GALNT13: variants seen among roughly 807,000 people sequenced by gnomAD.
GALNT13 encodes the protein UDP-GalNAc:polypeptide N-acetylgalactosaminyltransferase 13.
A neutral mutation model predicts 64.2 loss-of-function variants in GALNT13; 28 were observed. The ratio of observed to expected loss-of-function variants is 0.44; its 90% CI spans 0.32 to 0.60. The LOEUF (loss-of-function observed/expected upper bound fraction) is 0.60, where lower values mean the gene tolerates loss of function less well. Among genes scored for constraint, GALNT13 ranks in the 20% least tolerant of loss-of-function variants. GALNT13 has a pLI of 0.05. For synonymous variants in GALNT13, 214 were observed against 224.6 expected, an observed-to-expected ratio of 0.95 and a Z score of 0.42; for missense variants, 577 against 669.8, an observed-to-expected ratio of 0.86 and a Z score of 1.53.
chr2:153,883,783 A>G (rs1208536790), intron 1 of GALNT13, among the ~76,000 whole-genome samples: 1 of 152,114 alleles, frequency 6.6e-6, no homozygotes, highest in Non-Finnish European at 1.5e-5. Context: ...CAGGTAAAAC[A>G]AAAGAATATG....
intron 3 of GALNT13, among the ~76,000 whole-genome samples, chr2:154,059,472 G>A (rs533622988): frequency 6.6e-6 from 1 of 152,128 alleles, no homozygotes; most frequent in Non-Finnish European, 1.5e-5. Flanking sequence ...TTTTAAGGCT[G>A]TGCTTCCTGT....
chr2:153,118,555 T>C, the GALNT13 span, among the ~76,000 whole-genome samples: 1 of 152,144 alleles, frequency 6.6e-6, no homozygotes, highest in Non-Finnish European at 1.5e-5. Flanking sequence ...TACTAGGCTG[T>C]GGATACTAGA....
chr2:153,196,689 GC>G, the GALNT13 span, among the ~76,000 whole-genome samples: 1 of 152,008 alleles, frequency 6.6e-6, no homozygotes, highest in Non-Finnish European at 1.5e-5. Context: ...GCACCTTTCT[GC>G]CTGCCCCTCT....
chr2:153,720,936 G>A, the GALNT13 span, among the ~76,000 whole-genome samples: 16 of 152,076 alleles, frequency 1.1e-4, no homozygotes, highest in South Asian at 4.2e-4. Context: ...GCAGGCCGAC[G>A]TTCAGATTCA....
chr2:153,361,520 G>A, the GALNT13 span, among the ~76,000 whole-genome samples: 1 of 151,828 alleles, frequency 6.6e-6, no homozygotes, highest in Non-Finnish European at 1.5e-5. Context: ...GCTTAGAGGG[G>A]AACAAAAATG....
At chr2:153,304,744 A>G in the GALNT13 span, among the ~76,000 whole-genome samples, 2 of 152,212 alleles carry the variant, frequency 1.3e-5, no homozygotes, top group African/African-American at 4.8e-5. Flanking sequence ...TAAAATGGGC[A>G]TGGGCACAGG....
chr2:153,958,127 G>A (rs185484558), intron 3 of GALNT13, among the ~76,000 whole-genome samples: 1 of 152,300 alleles, frequency 6.6e-6, no homozygotes, highest in Admixed American at 6.5e-5. Flanking sequence ...TTCTGGGGCA[G>A]CAAGGGGTAT....
chr2:153,604,129 T>G, the GALNT13 span, among the ~76,000 whole-genome samples: 1 of 152,020 alleles, frequency 6.6e-6, no homozygotes, highest in Non-Finnish European at 1.5e-5. Context: ...CTGTGGCATT[T>G]CCAAAGATTT....
chr2:153,570,140 A>C, the GALNT13 span, among the ~76,000 whole-genome samples: 14 of 152,146 alleles, frequency 9.2e-5, no homozygotes, highest in African/African-American at 3.4e-4. Flanking sequence ...AAGGCATTTT[A>C]ACTGGGGTGA....
intron 3 of GALNT13, among the ~76,000 whole-genome samples, chr2:153,989,205 A>G (rs1485067193): frequency 2.0e-5 from 3 of 152,002 alleles, no homozygotes; most frequent in Admixed American, 6.6e-5. Flanking sequence ...TTAAACATGC[A>G]TTAACTTATT....
chr2:154,371,975 A>C (rs1409251685), intron 9 of GALNT13, among the ~76,000 whole-genome samples: 2 of 152,058 alleles, frequency 1.3e-5, no homozygotes, highest in Non-Finnish European at 2.9e-5. Context: ...ACATAGACAA[A>C]TATATAAATA....
At chr2:153,977,722 C>T (rs373966982) in intron 3 of GALNT13, among the ~76,000 whole-genome samples, 1 of 152,120 alleles carries the variant, frequency 6.6e-6, no homozygotes, top group African/African-American at 2.4e-5. Context: ...TCTCAAGTCC[C>T]ACTCAAACCC....
At chr2:154,028,188 T>C (rs1035327648) in intron 3 of GALNT13, among the ~76,000 whole-genome samples, 1 of 152,186 alleles carries the variant, frequency 6.6e-6, no homozygotes, top group African/African-American at 2.4e-5. Context: ...ATATTCTTTT[T>C]ATTTTTAAAG....
At chr2:153,927,556 T>G (rs555480985) in intron 2 of GALNT13, among the ~76,000 whole-genome samples, 9 of 152,056 alleles carry the variant, frequency 5.9e-5, no homozygotes, top group Non-Finnish European at 1.3e-4. Flanking sequence ...ATTATCATCT[T>G]TAGCAATATT....
chr2:154,289,775 G>A lies in GALNT13; in HGVS notation c.976-11634G>A, dbSNP rs373871689. On this transcript the variant is annotated intron_variant, in intron 8 of 12. Transcript: ENST00000392825. ...CACCCAGTCTCTTGGGATTCAGCTA[G>A]AGAGGCTACAGTGTTAGAGGTGTGT... Among the ~76,000 whole-genome samples, 8 of 152,348 alleles carry A rather than the reference G, an allele frequency of 5.3e-5. No homozygotes were observed. In the East Asian group the frequency reaches 1.3e-3, roughly 26 times the overall value.
At chr2:154,023,486 A>G (rs556555574) in intron 3 of GALNT13, among the ~76,000 whole-genome samples, 24 of 152,252 alleles carry the variant, frequency 1.6e-4, no homozygotes, top group African/African-American at 5.8e-4. Flanking sequence ...GTTGGTTTAA[A>G]GTCTGTTTTA....
chr2:153,388,578 A>G, the GALNT13 span, among the ~76,000 whole-genome samples: 1 of 152,120 alleles, frequency 6.6e-6, no homozygotes, highest in Admixed American at 6.6e-5. Flanking sequence ...CCTACTAAAA[A>G]GGATTAACCA....
At chr2:153,583,740 G>A in the GALNT13 span, among the ~76,000 whole-genome samples, 2 of 152,298 alleles carry the variant, frequency 1.3e-5, no homozygotes, top group Admixed American at 1.3e-4. Flanking sequence ...CATCATTCTT[G>A]ATCCTAGCTC....
the GALNT13 span, among the ~76,000 whole-genome samples, chr2:153,387,720 A>G: frequency 1.3e-5 from 2 of 152,214 alleles, no homozygotes; most frequent in South Asian, 4.1e-4. Flanking sequence ...TGTAATTTGT[A>G]TGTGTTAAAG....
Sources: gnomAD v4.1 joint callset for allele counts (sites outside exome capture counted in the v4.1 genomes callset) on GRCh38, gnomAD v4.1.1 for gene constraint, MANE v1.5 for transcripts, NCBI Gene and HGNC (gene_info 2026-07-23, HGNC 2026-07-21) for gene names.